Variants in ARHGAP15 observed in about 807,000 individuals in gnomAD.
ARHGAP15 encodes rho GTPase-activating protein 15.
ARHGAP15 carries 51 observed loss-of-function variants against 63.7 expected under a neutral mutation model. The ratio of observed to expected loss-of-function variants is 0.80; its 90% CI spans 0.64 to 1.01. ARHGAP15 has a LOEUF of 1.01. Among genes scored for constraint, ARHGAP15 ranks in the 50% least tolerant of loss-of-function variants. The probability of loss-of-function intolerance (pLI) is 0.00; values close to 1 mark genes in which losing one functional copy is unlikely to be tolerated. For synonymous variants in ARHGAP15, 191 were observed against 193.8 expected (o/e 0.99, Z 0.12); for missense variants, 560 against 564.6 (o/e 0.99, Z 0.08).
At chr2:143,247,073 G>A (rs1694068459) in intron 5 of ARHGAP15, among the ~76,000 whole-genome samples, 1 of 152,170 alleles carries the variant, frequency 6.6e-6, no homozygotes, top group African/African-American at 2.4e-5. Flanking sequence ...ACCTGAATGT[G>A]TGTTTCAAGC....
At chr2:143,582,687 C>G (rs1696958515) in intron 11 of ARHGAP15, among the ~76,000 whole-genome samples, 1 of 152,120 alleles carries the variant, frequency 6.6e-6, no homozygotes, top group Non-Finnish European at 1.5e-5. Context: ...TGGAGACAAA[C>G]TTTTTTCTAC....
intron 3 of ARHGAP15, among the ~76,000 whole-genome samples, chr2:143,209,287 G>A (rs1490389633): frequency 2.6e-5 from 4 of 152,060 alleles, no homozygotes; most frequent in Admixed American, 2.0e-4. Context: ...AATAAGTTAT[G>A]TAACAATAAT....
intron 4 of ARHGAP15, among the ~76,000 whole-genome samples, chr2:143,223,636 C>G (rs1693086421): frequency 6.6e-6 from 1 of 152,158 alleles, no homozygotes; most frequent in South Asian, 2.1e-4. Flanking sequence ...CAGGATGGCC[C>G]AGGTCAGGCT....
intron 12 of ARHGAP15, among the ~76,000 whole-genome samples, chr2:143,657,621 TC>T (rs1681524035): frequency 6.6e-6 from 1 of 152,256 alleles, no homozygotes; most frequent in Non-Finnish European, 1.5e-5. Context: ...CTGTAATGTT[TC>T]AAAGTATAAT....
chr2:143,378,407 T>C (rs1407147092), intron 6 of ARHGAP15, among the ~76,000 whole-genome samples: 1 of 152,092 alleles, frequency 6.6e-6, no homozygotes, highest in Non-Finnish European at 1.5e-5. Flanking sequence ...TGTTACCTCT[T>C]GGCATATTGG....
chr2:143,713,528 C>T (rs1286813802), intron 13 of ARHGAP15, among the ~76,000 whole-genome samples: 1 of 152,182 alleles, frequency 6.6e-6, no homozygotes, highest in Non-Finnish European at 1.5e-5. Context: ...TCCCAACAGT[C>T]CCCCAAAGTC....
intron 10 of ARHGAP15, among the ~76,000 whole-genome samples, chr2:143,546,097 G>A (rs1213766337): frequency 6.6e-6 from 1 of 152,140 alleles, no homozygotes; most frequent in East Asian, 1.9e-4. Context: ...TGTGATTCAA[G>A]CCAAGCCAAA....
intron 12 of ARHGAP15, among the ~76,000 whole-genome samples, chr2:143,639,697 T>G (rs1007836626): frequency 1.3e-5 from 2 of 152,112 alleles, no homozygotes; most frequent in African/African-American, 4.8e-5. Context: ...TGTTATTTAA[T>G]TAAAAGGTGA....
chr2:143,397,912 C>A (rs542555417), intron 6 of ARHGAP15, among the ~76,000 whole-genome samples: 2 of 152,152 alleles, frequency 1.3e-5, no homozygotes, highest in African/African-American at 4.8e-5. Flanking sequence ...TCAAAGAAAG[C>A]AAGAAATTAT....
At chr2:143,402,259 T>TA (rs1688015561) in intron 6 of ARHGAP15, among the ~76,000 whole-genome samples, 1 of 151,808 alleles carries the variant, frequency 6.6e-6, no homozygotes, top group Admixed American at 6.6e-5. Flanking sequence ...TACAATGATA[T>TA]AAAAAATGCA....
At chr2:143,707,507 G>A (rs966087162) in intron 13 of ARHGAP15, among the ~76,000 whole-genome samples, 4 of 152,322 alleles carry the variant, frequency 2.6e-5, no homozygotes, top group Admixed American at 6.5e-5. Context: ...ATTTTGGCAG[G>A]TGTGTATTAA....
At chr2:143,550,494 C>T (rs1695511199) in intron 10 of ARHGAP15, among the ~76,000 whole-genome samples, 1 of 152,322 alleles carries the variant, frequency 6.6e-6, no homozygotes, top group Middle Eastern at 3.4e-3. Context: ...TCACCAGCCA[C>T]GTGTGGTTAA....
At chr2:143,241,879 G>A (rs993551014) in intron 5 of ARHGAP15, among the ~76,000 whole-genome samples, 3 of 152,206 alleles carry the variant, frequency 2.0e-5, no homozygotes, top group African/African-American at 7.2e-5. Context: ...GTACAGGGAT[G>A]TTACCATGTT....
chr2:143,629,838 A>G (rs1698993769), intron 12 of ARHGAP15, among the ~76,000 whole-genome samples: 1 of 152,206 alleles, frequency 6.6e-6, no homozygotes, highest in South Asian at 2.1e-4. Context: ...GAATGAGAAT[A>G]GAACAGGATT....
At chr2:143,514,623 GACAA>G (rs1693726505) in intron 9 of ARHGAP15, among the ~76,000 whole-genome samples, 1 of 152,122 alleles carries the variant, frequency 6.6e-6, no homozygotes, top group African/African-American at 2.4e-5. Context: ...ATTGCTACAT[GACAA>G]ACAAACATAA....
At chr2:143,674,993 C>T (rs1160654505) in intron 12 of ARHGAP15, among the ~76,000 whole-genome samples, 3 of 152,130 alleles carry the variant, frequency 2.0e-5, no homozygotes, top group Non-Finnish European at 2.9e-5. Context: ...CGTGCAGTGC[C>T]GCTTGATAGC....
In ARHGAP15 at chr2:143,244,277, G is replaced by GA. The variant is rs61566179; in HGVS notation, c.385-6226dup. 2.1e-3 allele frequency among the ~76,000 whole-genome samples: 325 copies of GA among 151,698 alleles called. 1 individual carries two copies. Among genetic ancestry groups the GA allele is most frequent in the African/African-American group, 6.5e-3 (267 of 41,370 alleles). Reference sequence around the variant, plus strand: ...CCATTCTCTTACTGGATAGCTAGGGGAAAAAAAACACACCAAAAAGGAGTA... The same window carrying GA: ...CCATTCTCTTACTGGATAGCTAGGGGAAAAAAAAACACACCAAAAAGGAGTA... On this transcript the variant is annotated intron_variant, in intron 5 of 13. Transcript: ENST00000295095.
At position 143,477,182 on chromosome 2, in the gene ARHGAP15, A is replaced by G. The variant is rs541611960; in HGVS notation, c.704-10191A>G. Among the ~76,000 whole-genome samples the G allele has an allele frequency of 1.0e-3, 151 of 148,832 alleles. 1 individual carries two copies. Among genetic ancestry groups the G allele is most frequent in the African/African-American group, 3.7e-3 (148 of 39,734 alleles). Reference sequence around the variant, plus strand: ...AGCCAAATCATTTACACACACACACACATGCTCGCACACACACACACACAC... The same window carrying G: ...AGCCAAATCATTTACACACACACACGCATGCTCGCACACACACACACACAC... On this transcript the variant is annotated intron_variant, in intron 8 of 13. Transcript: ENST00000295095.
At chr2:143,439,220 CA>C (rs1689752075) in intron 8 of ARHGAP15, among the ~76,000 whole-genome samples, 1 of 142,010 alleles carries the variant, frequency 7.0e-6, no homozygotes, top group African/African-American at 2.6e-5. Context: ...GTCAGGAGTT[CA>C]AGACCATCCT....
Sources: gnomAD v4.1 joint callset for allele counts (sites outside exome capture counted in the v4.1 genomes callset) on GRCh38, gnomAD v4.1.1 for gene constraint, MANE v1.5 for transcripts, NCBI Gene and HGNC (gene_info 2026-07-23, HGNC 2026-07-21) for gene names.